The following ZNF391 variants were observed in gnomAD, a reference collection of about 807,000 sequenced individuals.
The protein encoded by ZNF391 is zinc finger protein 391.
For missense variants in ZNF391, 375 were observed against 425.5 expected (o/e 0.88, Z 1.04); for synonymous variants, 126 against 142.1 (o/e 0.89, Z 0.80).
rs936035823 is a variant in ZNF391, at chr6:27,401,561, C to T, written c.*114C>T. 1 of 738,158 alleles carries T rather than the reference C, an allele frequency of 1.4e-6. No homozygotes were observed. The highest frequency in any genetic ancestry group is 2.1e-6 in the Non-Finnish European group (1 of 485,008). The allele number at this position is 738,158 out of a possible 1,614,324, so 45.7% of individuals were successfully genotyped here. A position where few individuals can be genotyped will look rare whatever the true frequency, so the allele number is the denominator to read the frequency against. On this transcript the variant is annotated 3_prime_UTR_variant, in exon 3 of 3. Transcript: ENST00000244576. ...TGTTCTAATTTTCTTTTATTAGATA[C>T]CTATACCCGTTTTAAGCTTTCATTC...
chr6:27,387,391 C>G (rs1042834931), upstream of ZNF391, among the ~76,000 whole-genome samples: 1 of 152,190 alleles, frequency 6.6e-6, no homozygotes, highest in African/African-American at 2.4e-5. Flanking sequence ...GACTCAGATA[C>G]TTGTACACCA....
At position 27,402,388 on chromosome 6, in the gene ZNF391, TG is replaced by T. The variant is rs1761992964; in HGVS notation, c.*942del. ...TGACATTTGCAGAATTGGCACTTTT[TG>T]CCACTGTTATGCCTTAAATCTTGAG... On this transcript the variant is annotated 3_prime_UTR_variant, in exon 3 of 3. Coordinates refer to ENST00000244576, the MANE Select transcript of ZNF391 (RefSeq NM_001076781.3). The T allele has an allele frequency of 6.6e-6, 1 of 152,186 alleles. No homozygotes were observed. Among genetic ancestry groups the T allele is most frequent in the Non-Finnish European group, 1.5e-5 (1 of 68,032 alleles). 9.4% of individuals were successfully genotyped at this position (152,186 alleles called of 1,614,324 possible).
At chr6:27,379,975 T>C (rs1761472783) in intron 1 of ZNF391, among the ~76,000 whole-genome samples, 1 of 152,204 alleles carries the variant, frequency 6.6e-6, no homozygotes, top group African/African-American at 2.4e-5. Flanking sequence ...AATCCAGAGA[T>C]ATAGTCTTGA....
rs1197547257 is a variant in ZNF391, at chr6:27,401,567, C to A, written c.*120C>A. On this transcript the variant is annotated 3_prime_UTR_variant, in exon 3 of 3. Coordinates refer to ENST00000244576, the MANE Select transcript of ZNF391 (RefSeq NM_001076781.3). ...AATTTTCTTTTATTAGATACCTATA[C>A]CCGTTTTAAGCTTTCATTCGTTCTT... The A allele has an allele frequency of 2.8e-6, 2 of 704,852 alleles. No individual in the cohort carries two copies. The highest frequency in any genetic ancestry group is 4.4e-6 in the Non-Finnish European group (2 of 457,410). The allele number at this position is 704,852 out of a possible 1,614,324, so 43.7% of individuals were successfully genotyped here.
At chr6:27,389,571 G>A (rs1761657867) in intron 1 of ZNF391, 5 of 396,724 alleles carry the variant, frequency 1.3e-5, no homozygotes, top group South Asian at 3.8e-5. Context: ...CAGCACTTTG[G>A]GAGGCCAAGG....
chr6:27,379,863 A>G (rs1191908529), intron 1 of ZNF391, among the ~76,000 whole-genome samples: 1 of 152,164 alleles, frequency 6.6e-6, no homozygotes, highest in African/African-American at 2.4e-5. Context: ...AGTCATCTCT[A>G]GCCTCCCACA....
intron 1 of ZNF391, among the ~76,000 whole-genome samples, chr6:27,378,371 A>T (rs998831953): frequency 6.6e-6 from 1 of 151,376 alleles, no homozygotes; most frequent in Non-Finnish European, 1.5e-5. Flanking sequence ...GAAGGGAGAT[A>T]GGGGTGGGGC....
chr6:27,394,226 G>T (rs565812751), intron 1 of ZNF391, among the ~76,000 whole-genome samples: 1 of 152,354 alleles, frequency 6.6e-6, no homozygotes, highest in Non-Finnish European at 1.5e-5. Flanking sequence ...AAGAGGCGAT[G>T]CCTCCCATCA....
intron 1 of ZNF391, among the ~76,000 whole-genome samples, chr6:27,395,291 TC>T (rs1761799697): frequency 6.6e-6 from 1 of 152,102 alleles, no homozygotes; most frequent in Admixed American, 6.5e-5. Context: ...TGGAGGTAGA[TC>T]CCTCGTGGCT....
At chr6:27,378,352 A>G (rs1260079445) in intron 1 of ZNF391, among the ~76,000 whole-genome samples, 1 of 152,020 alleles carries the variant, frequency 6.6e-6, no homozygotes, top group East Asian at 1.9e-4. Context: ...GTCCAAAAAG[A>G]GAGTCAGCGA....
In ZNF391 at chr6:27,376,879, C is replaced by T. The variant is rs952271766; in HGVS notation, n.523+1742C>T. 6.6e-6 allele frequency among the ~76,000 whole-genome samples: 1 copy of T among 152,056 alleles called. No individual in the cohort carries two copies. Among genetic ancestry groups the T allele is most frequent in the Non-Finnish European group, 1.5e-5 (1 of 68,014 alleles). ...AAATAAATAAATAAATAATAAAATA[C>T]GTACACATTCTTGTGAAGTTTGTAA... is the stretch of plus-strand genomic sequence containing the variant. On this transcript the variant is annotated intron_variant and non_coding_transcript_variant, in intron 1 of 2. Coordinates refer to the ZNF391 transcript ENST00000477999. The surrounding 1 kb of genome is among the most constrained non-coding windows in gnomAD (Gnocchi z 4.7).
intron 1 of ZNF391, among the ~76,000 whole-genome samples, chr6:27,397,047 A>G (rs2113657654): frequency 6.6e-6 from 1 of 152,360 alleles, no homozygotes; most frequent in South Asian, 2.1e-4. Flanking sequence ...TAGTGAACTG[A>G]CAATAAAATA....
At chr6:27,400,159 T>A in intron 2 of ZNF391, 134 bp from the exon 3 acceptor site, 1 of 459,224 alleles carries the variant, frequency 2.2e-6, no homozygotes, top group South Asian at 5.1e-5. Flanking sequence ...TCCTCCACTA[T>A]CCTTTTTTGT....
chr6:27,384,748 T>G (rs1268849430), upstream of ZNF391, among the ~76,000 whole-genome samples: 1 of 152,162 alleles, frequency 6.6e-6, no homozygotes, highest in Non-Finnish European at 1.5e-5. Flanking sequence ...CCAGGTGCTG[T>G]GGCTCATGCC....
chr6:27,393,059 T>C (rs575847996), intron 1 of ZNF391, among the ~76,000 whole-genome samples: 1 of 152,334 alleles, frequency 6.6e-6, no homozygotes, highest in South Asian at 2.1e-4. Context: ...CTAGTGGAGT[T>C]TGTATGTGTC....
At chr6:27,398,543 T>C (rs1365234398) in intron 1 of ZNF391, among the ~76,000 whole-genome samples, 1 of 152,084 alleles carries the variant, frequency 6.6e-6, no homozygotes, top group African/African-American at 2.4e-5. Flanking sequence ...CCAGGCAATA[T>C]GAATGTGAGG....
Position 27,378,149 on chromosome 6 carries a change from G to T in ZNF391, n.523+3012G>T, listed in dbSNP as rs184012849. Among the ~76,000 whole-genome samples the T allele has an allele frequency of 2.9e-3, 443 of 152,208 alleles. 1 individual carries two copies. The highest frequency in any genetic ancestry group is 5.8e-3 in the Admixed American group (89 of 15,292). ...TTGATGTATAACTTTGAAGTATACA[G>T]GTGGGTTTTAACGAATATATGTTCC... On this transcript the variant is annotated intron_variant and non_coding_transcript_variant, in intron 1 of 2. Transcript: ENST00000477999.
At chr6:27,395,013 A>G (rs925646753) in intron 1 of ZNF391, 1 of 152,184 alleles carries the variant, frequency 6.6e-6, no homozygotes, top group African/African-American at 2.4e-5. Flanking sequence ...ATTGTGATTT[A>G]CAGGTTCATA....
intron 1 of ZNF391, among the ~76,000 whole-genome samples, chr6:27,393,659 G>T (rs1382981669): frequency 2.6e-5 from 4 of 152,180 alleles, no homozygotes; most frequent in African/African-American, 9.7e-5. Context: ...GGAAGAGTTT[G>T]GAGGGCTCAG....
Sources: gnomAD v4.1 joint callset for allele counts (sites outside exome capture counted in the v4.1 genomes callset) on GRCh38, gnomAD v4.1.1 for gene constraint, Gnocchi (gnomAD v3.1) non-coding constraint, MANE v1.5 for transcripts, NCBI Gene and HGNC (gene_info 2026-07-23, HGNC 2026-07-21) for gene names.